MYOM2: variants seen among roughly 807,000 people sequenced by gnomAD.
MYOM2 encodes myomesin 2.
In MYOM2, 254 loss-of-function variants were observed where a neutral mutation model predicts 187.6. That is an observed-to-expected ratio of 1.35 (90% confidence interval 1.22 to 1.50). MYOM2 has a LOEUF of 1.50. MYOM2 is among the 40% of genes most tolerant of loss of function. MYOM2 has a pLI of 0.00. For missense variants in MYOM2, 2,796 were observed against 1,924.0 expected, an observed-to-expected ratio of 1.45 and a Z score of -8.48; for synonymous variants, 981 against 753.8, an observed-to-expected ratio of 1.30 and a Z score of -4.94.
intron 18 of MYOM2, among the ~76,000 whole-genome samples, chr8:2,097,763 C>T (rs1326941544): frequency 4.6e-5 from 7 of 152,182 alleles, no homozygotes; most frequent in East Asian, 1.9e-4. Context: ...GTGATCTGCC[C>T]GCCTCAGCCT....
intron 19 of MYOM2, 45 bp downstream of exon 19, chr8:2,099,028 G>A (rs1222015787): frequency 1.3e-6 from 2 of 1,551,656 alleles, no homozygotes; most frequent in Admixed American, 1.8e-5. Context: ...CGCACAGGCT[G>A]GCTGGGAAGG....
chr8:2,127,043 G>A (rs989426259), intron 31 of MYOM2, among the ~76,000 whole-genome samples: 2 of 151,914 alleles, frequency 1.3e-5, no homozygotes, highest in African/African-American at 4.8e-5. Flanking sequence ...TGGTCTGTGT[G>A]CTTTGCTCTC....
In MYOM2 at chr8:2,057,606, C is replaced by T; in HGVS notation, c.403-17C>T. 1 of 1,613,812 alleles carries T rather than the reference C, an allele frequency of 6.2e-7. No individual in the cohort carries two copies. The highest frequency in any genetic ancestry group is 8.5e-7 in the Non-Finnish European group (1 of 1,179,824). On this transcript the variant is annotated splice_polypyrimidine_tract_variant and intron_variant, in intron 4 of 36. Coordinates refer to ENST00000262113, the MANE Select transcript of MYOM2 (RefSeq NM_003970.4). Reference sequence around the variant, plus strand: ...CTCGCTGCCTGGGAACCTGACCATCCTTGCTTCTCGGGGCAGATGGAGGAC... The same window carrying T: ...CTCGCTGCCTGGGAACCTGACCATCTTTGCTTCTCGGGGCAGATGGAGGAC...
At chr8:2,064,082 C>T (rs927376886) in intron 6 of MYOM2, among the ~76,000 whole-genome samples, 1 of 152,218 alleles carries the variant, frequency 6.6e-6, no homozygotes, top group Non-Finnish European at 1.5e-5. Context: ...GATTTGCCTC[C>T]AAATCCCAAG....
At position 2,144,827 on chromosome 8, in the gene MYOM2, A is replaced by T. The variant is rs1339814882; in HGVS notation, c.4244A>T (p.Lys1415Met). ...IKGVTSEDSGKYSINIKNKYG... is the reference protein window; with the variant it reads ...IKGVTSEDSGMYSINIKNKYG... ...GGCGTGACCTCCGAGGACTCGGGCA[A>T]GTACAGCATCAACATCAAGAATAAG... The change falls in exon 37 of 37, where the codon AAG (lysine) becomes ATG (methionine). Residue 1415 changes from lysine to methionine, a missense_variant. Transcript: ENST00000262113. 15 of 1,614,102 alleles carry T rather than the reference A, an allele frequency of 9.3e-6. No homozygotes were observed. The highest frequency in any genetic ancestry group is 1.3e-5 in the Non-Finnish European group (15 of 1,180,036).
intron 17 of MYOM2, among the ~76,000 whole-genome samples, chr8:2,094,965 A>G (rs771275307): frequency 6.6e-6 from 1 of 152,188 alleles, no homozygotes; most frequent in Admixed American, 6.5e-5. Flanking sequence ...GTCAGTGCGC[A>G]TACTCAGAAA....
intron 17 of MYOM2, among the ~76,000 whole-genome samples, chr8:2,095,293 CT>C (rs201143467): frequency 0.013 from 1,791 of 136,476 alleles, 10 homozygotes; most frequent in East Asian, 0.066. Context: ...AAACCACTTT[CT>C]TTTTTTTTTT....
At chr8:2,059,112 C>G (rs1364028155) in intron 5 of MYOM2, 41 bp from the exon 6 acceptor site, 2 of 1,570,254 alleles carry the variant, frequency 1.3e-6, no homozygotes, top group Non-Finnish European at 1.8e-6. Flanking sequence ...ACACAAAATA[C>G]AACTCTGCCT....
At chr8:2,085,543 C>CTT (rs756148628) in intron 14 of MYOM2, among the ~76,000 whole-genome samples, 153 bp downstream of exon 14, 7 of 35,776 alleles carry the variant, frequency 2.0e-4, no homozygotes, top group South Asian at 8.9e-4. Flanking sequence ...CTCTGCGTGG[C>CTT]CCCACTGTCA....
chr8:2,134,137 C>T (rs952191149), intron 32 of MYOM2, among the ~76,000 whole-genome samples: 5 of 152,280 alleles, frequency 3.3e-5, no homozygotes, highest in East Asian at 3.9e-4. Context: ...TCAGATTGCA[C>T]CTTTTTTTCC....
intron 31 of MYOM2, among the ~76,000 whole-genome samples, chr8:2,124,986 G>A (rs551908165): frequency 5.9e-5 from 9 of 151,868 alleles, no homozygotes; most frequent in Non-Finnish European, 1.2e-4. Flanking sequence ...TTGAATATTA[G>A]TCCCTTAGCC....
chr8:2,097,021 C>T (rs1285431235), intron 18 of MYOM2: 1 of 649,822 alleles, frequency 1.5e-6, no homozygotes, highest in Non-Finnish European at 1.9e-6. Context: ...GGCCCTTGAC[C>T]CCTCATCTGA....
At chr8:2,064,794 C>T (rs1818963210) in intron 6 of MYOM2, among the ~76,000 whole-genome samples, 1 of 152,234 alleles carries the variant, frequency 6.6e-6, no homozygotes, top group African/African-American at 2.4e-5. Context: ...CCTCCTCCTT[C>T]TCCTCTCCTG....
chr8:2,129,184 G>A lies in MYOM2; in HGVS notation c.3752G>A (p.Cys1251Tyr), dbSNP rs772724796. Residue 1251 changes from cysteine (C) to tyrosine (Y), a missense_variant, in exon 32 of 37, where the codon TGT becomes TAT. By Grantham distance (194) the Cys-to-Tyr change is radical. Coordinates refer to ENST00000262113, the MANE Select transcript of MYOM2 (RefSeq NM_003970.4). ...ACCCCAGAAGGAATACGACTTCAGT[G>A]TTTCATGAAGTATTTTACAGACGAA... ...LCTPEGIRLQ[C>Y]FMKYFTDEMK... 4 of 1,612,014 alleles carry A rather than the reference G, an allele frequency of 2.5e-6. No individual in the cohort carries two copies. Among genetic ancestry groups the A allele is most frequent in the South Asian group, 1.1e-5 (1 of 91,048 alleles).
chr8:2,051,268 A>C (rs1188317934), intron 2 of MYOM2, among the ~76,000 whole-genome samples: 1 of 152,176 alleles, frequency 6.6e-6, no homozygotes, highest in African/African-American at 2.4e-5. Context: ...GTAAAGACAG[A>C]ATGGGAGGCA....
chr8:2,144,527 T>C (rs765762818), intron 36 of MYOM2, 137 bp from the exon 37 acceptor site: 3 of 885,532 alleles, frequency 3.4e-6, no homozygotes, highest in Non-Finnish European at 5.3e-6. Flanking sequence ...CTCATGTACA[T>C]AAAGGCTTGT....
At chr8:2,051,539 C>A (rs941948735) in intron 2 of MYOM2, among the ~76,000 whole-genome samples, 10 of 152,220 alleles carry the variant, frequency 6.6e-5, no homozygotes, top group Non-Finnish European at 1.5e-4. Flanking sequence ...TCACCCACAC[C>A]CTATGTTTAG....
chr8:2,061,649 A>G (rs1040979380), intron 6 of MYOM2, among the ~76,000 whole-genome samples: 2 of 152,158 alleles, frequency 1.3e-5, no homozygotes, highest in Admixed American at 6.5e-5. Flanking sequence ...AGGAGCCTGC[A>G]TGGGGCCTGG....
chr8:2,063,061 GGGAAACTTGGGAAAA>G (rs1378392852), intron 6 of MYOM2, among the ~76,000 whole-genome samples: 3 of 152,242 alleles, frequency 2.0e-5, no homozygotes, highest in African/African-American at 7.2e-5. Context: ...GCAAATATTT[GGGAAACTTGGGAAAA>G]GGAAACTTCC....
Sources: gnomAD v4.1 joint callset for allele counts (sites outside exome capture counted in the v4.1 genomes callset) on GRCh38, gnomAD v4.1.1 for gene constraint, MANE v1.5 for transcripts, NCBI Gene and HGNC (gene_info 2026-07-23, HGNC 2026-07-21) for gene names.